Variants in EFHC2 observed in about 807,000 individuals in gnomAD.
The protein encoded by EFHC2 is EF-hand domain containing 2, also known as EF-hand domain-containing family member C2.
Under a neutral mutation model 52.7 loss-of-function variants are expected in EFHC2, and 18 were observed. The ratio of observed to expected loss-of-function variants is 0.34; its 90% CI spans 0.24 to 0.51. The LOEUF is 0.51. Among genes scored for constraint, EFHC2 ranks in the 20% least tolerant of loss-of-function variants. The pLI, the probability that EFHC2 is intolerant of heterozygous loss-of-function variation, is 0.97. For synonymous variants in EFHC2, 203 were observed against 204.1 expected, an observed-to-expected ratio of 0.99 and a Z score of 0.04; for missense variants, 513 against 562.5, an observed-to-expected ratio of 0.91 and a Z score of 0.89.
chrX:44,212,544 C>G lies in EFHC2; in HGVS notation c.1751+17105G>C, dbSNP rs964875135. Among the ~76,000 whole-genome samples, 5 of 109,923 alleles carry G rather than the reference C, an allele frequency of 4.5e-5. No homozygotes were observed. In the Admixed American group the frequency reaches 4.8e-4, roughly 11 times the overall value. On this transcript the variant is annotated intron_variant, in intron 11 of 14. Coordinates refer to ENST00000420999, the MANE Select transcript of EFHC2 (RefSeq NM_025184.4). ...GTCCCCTCCAGACATCCGGTCCCATCTAGAGTAGGGGGAGGGGAGGGGAGG... is the reference window on the plus strand; with the variant it reads ...GTCCCCTCCAGACATCCGGTCCCATGTAGAGTAGGGGGAGGGGAGGGGAGG...
At position 44,152,382 on chromosome X, in the gene EFHC2, C is replaced by T. The variant is rs944270424; in HGVS notation, c.2149-3486G>A. Among the ~76,000 whole-genome samples the T allele has an allele frequency of 5.4e-5, 6 of 111,922 alleles. 1 individual carries two copies. Among genetic ancestry groups the T allele is most frequent in the Admixed American group, 9.5e-5 (1 of 10,563 alleles). On this transcript the variant is annotated intron_variant, in intron 14 of 14. Transcript: ENST00000420999. Reference sequence around the variant, plus strand: ...GGCAGTGGAGCTGCGGAACTATGCTCGTCTGCGGGGCTACCCTCCAGAGCT... The same window carrying T: ...GGCAGTGGAGCTGCGGAACTATGCTTGTCTGCGGGGCTACCCTCCAGAGCT...
intron 1 of EFHC2, among the ~76,000 whole-genome samples, chrX:44,319,041 T>A (rs113191892): frequency 1.9e-5 from 2 of 104,693 alleles, no homozygotes; most frequent in Non-Finnish European, 3.9e-5. Flanking sequence ...CTCACTCTTG[T>A]CGCCCAGGCC....
intron 2 of EFHC2, among the ~76,000 whole-genome samples, chrX:44,310,749 TGAAA>T (rs1165150755): frequency 2.7e-5 from 3 of 111,689 alleles, no homozygotes; most frequent in African/African-American, 9.8e-5. Context: ...ACAAAATAAC[TGAAA>T]GAATTATGTT....
In EFHC2 at chrX:44,235,399, T is replaced by A. The variant is rs770460516; in HGVS notation, c.1329A>T (p.Thr443=). The A allele has an allele frequency of 8.4e-7, 1 of 1,194,393 alleles. No individual in the cohort carries two copies. The highest frequency in any genetic ancestry group is 3.0e-5 in the East Asian group (1 of 33,454). ...TCCTGTCCAAGTCAACACATTTGTC[T>A]GTGACTAGTTTTGCAAAAAAACGGA... The part of the protein sequence containing the change: ...NILRFFAKLV[T]DKCVDLDRMF... Residue 443 remains threonine, a synonymous_variant, in exon 9 of 15, where the codon ACA becomes ACT. Coordinates refer to ENST00000420999, the MANE Select transcript of EFHC2 (RefSeq NM_025184.4).
Position 44,248,411 on chromosome X carries a change from C to G in EFHC2, c.973-1G>C. 8.4e-7 allele frequency: 1 copy of G among 1,189,479 alleles called. No homozygotes were observed. On this transcript the variant is annotated splice_acceptor_variant, in intron 6 of 14. Transcript: ENST00000420999. LOFTEE classifies it high-confidence loss of function. ...AAAACTCTTGGTCTACTTTTCCTAG[C>G]TAAAAAAGACAAAGGAACATAGCAT...
At chrX:44,310,446 T>C in intron 2 of EFHC2, 2 of 884,471 alleles carry the variant, frequency 2.3e-6, no homozygotes, top group Admixed American at 3.4e-5. Flanking sequence ...GGGTCCGTAA[T>C]GTGCAGCAGC....
At chrX:44,241,756 A>G (rs1488853867) in intron 8 of EFHC2, among the ~76,000 whole-genome samples, 2 of 112,580 alleles carry the variant, frequency 1.8e-5, no homozygotes, top group Admixed American at 1.9e-4. Context: ...GTTGTGACAG[A>G]CACCGTATGG....
At chrX:44,176,781 T>C (rs973090609) in intron 12 of EFHC2, among the ~76,000 whole-genome samples, 1 of 112,340 alleles carries the variant, frequency 8.9e-6, no homozygotes, top group Non-Finnish European at 1.9e-5. Context: ...AAGTATGATA[T>C]GACTTGAGGG....
intron 1 of EFHC2, among the ~76,000 whole-genome samples, chrX:44,339,748 A>G (rs947743543): frequency 9.0e-6 from 1 of 110,564 alleles, no homozygotes; most frequent in African/African-American, 3.3e-5. Context: ...AATTTAATTC[A>G]GCAAGCAGGG....
intron 1 of EFHC2, among the ~76,000 whole-genome samples, chrX:44,318,412 G>A (rs767319542): frequency 1.9e-4 from 21 of 112,193 alleles, no homozygotes; most frequent in African/African-American, 5.8e-4. Context: ...ACCGGGTACA[G>A]GTTTCCTTTG....
At chrX:44,274,993 A>G (rs751432623) in intron 2 of EFHC2, among the ~76,000 whole-genome samples, 118 of 111,348 alleles carry the variant, frequency 1.1e-3, no homozygotes, top group African/African-American at 3.7e-3. Flanking sequence ...TGTACGTAAT[A>G]TTTAATCTGA....
intron 14 of EFHC2, among the ~76,000 whole-genome samples, chrX:44,162,914 G>A (rs2036668222): frequency 9.0e-6 from 1 of 111,487 alleles, no homozygotes; most frequent in African/African-American, 3.3e-5. Context: ...TTTGTCTCTG[G>A]ACCCCAGCCT....
chrX:44,340,177 T>G (rs1279977399), intron 1 of EFHC2, among the ~76,000 whole-genome samples: 1 of 111,300 alleles, frequency 9.0e-6, no homozygotes, highest in Non-Finnish European at 1.9e-5. Context: ...AAGAGTGATC[T>G]TTTCCAAAAA....
intron 11 of EFHC2, among the ~76,000 whole-genome samples, chrX:44,215,592 T>C (rs2147308348): frequency 9.0e-6 from 1 of 110,639 alleles, no homozygotes; most frequent in South Asian, 3.9e-4. Flanking sequence ...TGTATCTTTA[T>C]TGTGGTGGCA....
At chrX:44,247,580 G>C (rs2037409728) in intron 7 of EFHC2, among the ~76,000 whole-genome samples, 1 of 111,155 alleles carries the variant, frequency 9.0e-6, no homozygotes, top group Non-Finnish European at 1.9e-5. Flanking sequence ...TAACAAATGA[G>C]GGTTTATGCT....
intron 2 of EFHC2, among the ~76,000 whole-genome samples, chrX:44,299,848 C>G (rs1032163529): frequency 3.6e-5 from 4 of 111,697 alleles, no homozygotes; most frequent in African/African-American, 1.3e-4. Context: ...GTATATCAAA[C>G]TGTTATATAA....
chrX:44,301,332 G>A (rs746137835), intron 2 of EFHC2, among the ~76,000 whole-genome samples: 1 of 107,965 alleles, frequency 9.3e-6, no homozygotes, highest in Non-Finnish European at 1.9e-5. Context: ...CTCCCCCCCC[G>A]ACCAAATTAT....
chrX:44,201,580 T>C (rs1174915768), intron 11 of EFHC2, among the ~76,000 whole-genome samples: 1 of 111,583 alleles, frequency 9.0e-6, no homozygotes, highest in African/African-American at 3.3e-5. Flanking sequence ...GGAAAGTTTC[T>C]AGAAGCTACA....
At chrX:44,303,175 T>G (rs911666813) in intron 2 of EFHC2, among the ~76,000 whole-genome samples, 3 of 111,176 alleles carry the variant, frequency 2.7e-5, no homozygotes, top group Admixed American at 9.6e-5. Flanking sequence ...TAGGCCTTGG[T>G]GTTCTCCTGC....
Sources: gnomAD v4.1 joint callset for allele counts (sites outside exome capture counted in the v4.1 genomes callset) on GRCh38, gnomAD v4.1.1 for gene constraint, MANE v1.5 for transcripts, NCBI Gene and HGNC (gene_info 2026-07-23, HGNC 2026-07-21) for gene names.